The following FKBP9 variants were observed in gnomAD, a reference collection of about 807,000 sequenced individuals.
FKBP9 encodes FKBP prolyl isomerase 9, also known as peptidyl-prolyl cis-trans isomerase FKBP9.
In FKBP9, 27 loss-of-function variants were observed where a neutral mutation model predicts 55.6. The observed-to-expected ratio is 0.49, with a 90% CI of 0.36 to 0.67. The LOEUF (loss-of-function observed/expected upper bound fraction) is 0.67, where lower values mean the gene tolerates loss of function less well. Among genes scored for constraint, FKBP9 ranks in the 30% least tolerant of loss-of-function variants. FKBP9 has a pLI of 0.00. For missense variants in FKBP9, 539 were observed against 742.8 expected (o/e 0.73, Z 3.19); for synonymous variants, 267 against 296.5 (o/e 0.90, Z 1.02).
intron 3 of FKBP9, 95 bp from the exon 4 acceptor site, chr7:32,976,259 T>G (rs2127980925): frequency 6.9e-7 from 1 of 1,442,296 alleles, no homozygotes; most frequent in South Asian, 1.2e-5. Context: ...GGGATCATCG[T>G]TTAGCTGATA....
chr7:33,004,703 C>T (rs1583876048), intron 9 of FKBP9, among the ~76,000 whole-genome samples: 1 of 152,164 alleles, frequency 6.6e-6, no homozygotes, highest in Middle Eastern at 3.2e-3. Context: ...ATGTTCATGT[C>T]TAATTGTCTG....
intron 2 of FKBP9, 22 bp from the exon 3 acceptor site, chr7:32,975,160 G>T: frequency 6.2e-7 from 1 of 1,603,504 alleles, no homozygotes; most frequent in Non-Finnish European, 8.5e-7. Flanking sequence ...TGTGAACTCA[G>T]TGTGTAATCT....
At chr7:32,987,275 C>A (rs1327518787) in intron 5 of FKBP9, among the ~76,000 whole-genome samples, 1 of 152,068 alleles carries the variant, frequency 6.6e-6, no homozygotes, top group East Asian at 1.9e-4. Context: ...GCAGGCAGAT[C>A]GCTTGAGCCC....
At chr7:32,968,904 C>T (rs1784200987) in intron 1 of FKBP9, among the ~76,000 whole-genome samples, 4 of 151,520 alleles carry the variant, frequency 2.6e-5, no homozygotes, top group Non-Finnish European at 4.4e-5. Flanking sequence ...TTGATCCGCC[C>T]ACCTCAGCCT....
chr7:32,966,338 A>G (rs1488428038), intron 1 of FKBP9, among the ~76,000 whole-genome samples: 1 of 152,030 alleles, frequency 6.6e-6, no homozygotes, highest in Non-Finnish European at 1.5e-5. Context: ...ATAATTTTAA[A>G]GAGCATCATC....
At chr7:32,984,279 G>T (rs1021803035) in intron 5 of FKBP9, among the ~76,000 whole-genome samples, 2 of 151,672 alleles carry the variant, frequency 1.3e-5, no homozygotes, top group African/African-American at 2.4e-5. Flanking sequence ...TGCTGCCCAG[G>T]CTGGAGTGCA....
intron 6 of FKBP9, among the ~76,000 whole-genome samples, chr7:32,993,599 C>A (rs13308739): frequency 6.6e-6 from 1 of 152,282 alleles, no homozygotes; most frequent in South Asian, 2.1e-4. Context: ...CTGAAGCAGG[C>A]GGATAACCTG....
At chr7:32,977,910 C>CAT (rs70989917) in intron 4 of FKBP9, among the ~76,000 whole-genome samples, 41,555 of 129,720 alleles carry the variant, frequency 0.32, 8,504 homozygotes, top group Non-Finnish European at 0.46. Context: ...TATATATACT[C>CAT]ATATATATAT....
chr7:32,960,519 T>C (rs1234975469), intron 1 of FKBP9, among the ~76,000 whole-genome samples: 1 of 152,256 alleles, frequency 6.6e-6, no homozygotes, highest in African/African-American at 2.4e-5. Context: ...ATATGCGTAT[T>C]GACCATTTGT....
chr7:32,988,877 C>T (rs1784628490), intron 6 of FKBP9: 1 of 461,056 alleles, frequency 2.2e-6, no homozygotes, highest in Non-Finnish European at 3.9e-6. Context: ...TACAGGCACG[C>T]ACCACCACAC....
Position 32,988,545 on chromosome 7 carries a change from A to C in FKBP9, c.932A>C (p.Gln311Pro), listed in dbSNP as rs1254731979. Residue 311 changes from glutamine to proline, a missense_variant, in exon 6 of 10, where the codon CAG (glutamine) becomes CCG (proline). Physicochemically the swap from Gln to Pro is moderately conservative, Grantham distance 76 (BLOSUM62 -1). Coordinates refer to ENST00000242209, the MANE Select transcript of FKBP9 (RefSeq NM_007270.5). ...CGCACGTTTGACACGTACATTGGGCAGGGCTACGTGATTCCTGGGATGGAT... is the reference window on the plus strand; with the variant it reads ...CGCACGTTTGACACGTACATTGGGCCGGGCTACGTGATTCCTGGGATGGAT... Reference protein sequence around the residue: ...RNRTFDTYIGQGYVIPGMDEG... With the variant: ...RNRTFDTYIGPGYVIPGMDEG... The C allele has an allele frequency of 6.2e-7, 1 of 1,613,844 alleles. No individual in the cohort carries two copies. The highest frequency in any genetic ancestry group is 1.3e-5 in the African/African-American group (1 of 74,986).
At chr7:32,984,762 G>A (rs1414146718) in intron 5 of FKBP9, among the ~76,000 whole-genome samples, 3 of 152,160 alleles carry the variant, frequency 2.0e-5, no homozygotes, top group African/African-American at 7.2e-5. Context: ...ACTGTGACAG[G>A]AAGGATTTAA....
intron 1 of FKBP9, among the ~76,000 whole-genome samples, chr7:32,961,003 A>AT (rs1191378802): frequency 1.3e-5 from 2 of 152,268 alleles, no homozygotes; most frequent in Non-Finnish European, 2.9e-5. Flanking sequence ...CCCAAGGAAC[A>AT]TAAGTACTAA....
intron 1 of FKBP9, among the ~76,000 whole-genome samples, chr7:32,974,199 CG>C (rs67448965): frequency 6.8e-6 from 1 of 147,842 alleles, no homozygotes; most frequent in Non-Finnish European, 1.5e-5. Flanking sequence ...TTAGTAGAGG[CG>C]GGGGGGCCTC....
At chr7:32,971,106 G>A (rs138078896) in intron 1 of FKBP9, among the ~76,000 whole-genome samples, 6,961 of 151,190 alleles carry the variant, frequency 0.046, 385 homozygotes, top group East Asian at 0.19. Flanking sequence ...CCTGTAAAAG[G>A]TGTAAATAAG....
intron 1 of FKBP9, among the ~76,000 whole-genome samples, chr7:32,972,526 AC>A (rs757012392): frequency 4.6e-5 from 7 of 152,200 alleles, no homozygotes; most frequent in Non-Finnish European, 8.8e-5. Flanking sequence ...GCAGCTCTTA[AC>A]ATTTTATTAC....
rs1253004068 is a variant in FKBP9, at chr7:33,006,306, CG to C, written c.*959del. The C allele has an allele frequency of 5.3e-6, 1 of 189,268 alleles. No homozygotes were observed. The highest frequency in any genetic ancestry group is 1.1e-5 in the Non-Finnish European group (1 of 90,264). 11.7% of individuals were successfully genotyped at this position (189,268 alleles called of 1,614,324 possible). ...CTAATTTTTGTATTTTTAGTAGAGACGGGGTTTCACTGTGTTGGCCAGGATG... is the reference window on the plus strand; with the variant it reads ...CTAATTTTTGTATTTTTAGTAGAGACGGGTTTCACTGTGTTGGCCAGGATG... On this transcript the variant is annotated 3_prime_UTR_variant, in exon 10 of 10. Coordinates refer to ENST00000242209, the MANE Select transcript of FKBP9 (RefSeq NM_007270.5).
At chr7:32,999,215 G>A (rs918488154) in intron 7 of FKBP9, among the ~76,000 whole-genome samples, 2 of 152,036 alleles carry the variant, frequency 1.3e-5, no homozygotes, top group Admixed American at 6.6e-5. Flanking sequence ...AGGGGAGGTC[G>A]GGAAGCCTGA....
intron 6 of FKBP9, chr7:32,993,078 T>C: frequency 4.3e-6 from 1 of 232,516 alleles, no homozygotes; most frequent in East Asian, 6.1e-5. Context: ...GGGATGTGGG[T>C]GGTTCCAGAT....
Sources: allele counts gnomAD v4.1 joint callset (sites outside exome capture counted in the v4.1 genomes callset), GRCh38; gene constraint gnomAD v4.1.1; transcripts MANE v1.5; gene names NCBI Gene and HGNC (gene_info 2026-07-23, HGNC 2026-07-21).